XKR6: variants seen among roughly 807,000 people sequenced by gnomAD.
The protein encoded by XKR6 is XK related 6.
Under a neutral mutation model 56.7 loss-of-function variants are expected in XKR6, and 22 were observed. The observed-to-expected ratio is 0.39, with a 90% confidence interval of 0.28 to 0.55. XKR6 has a LOEUF of 0.55. Among genes scored for constraint, XKR6 ranks in the 20% least tolerant of loss-of-function variants. The probability of loss-of-function intolerance (pLI) is 0.66; values close to 1 mark genes in which losing one functional copy is unlikely to be tolerated. For missense variants in XKR6, 852 were observed against 889.0 expected, an observed-to-expected ratio of 0.96 and a Z score of 0.53; for synonymous variants, 524 against 387.8, an observed-to-expected ratio of 1.35 and a Z score of -4.13.
At chr8:11,058,334 A>C (rs564586149) in intron 1 of XKR6, among the ~76,000 whole-genome samples, 14 of 152,342 alleles carry the variant, frequency 9.2e-5, no homozygotes, top group African/African-American at 2.6e-4. Flanking sequence ...GTATATACCC[A>C]AAGGATTATA....
intron 1 of XKR6, chr8:11,128,896 C>T (rs1799961264): frequency 2.2e-6 from 1 of 456,808 alleles, no homozygotes; most frequent in Non-Finnish European, 4.4e-6. Context: ...TTGGTCACTG[C>T]TAACTGATTT....
At chr8:11,167,659 G>A (rs886353366) in intron 1 of XKR6, among the ~76,000 whole-genome samples, 3 of 152,116 alleles carry the variant, frequency 2.0e-5, no homozygotes, top group Admixed American at 2.0e-4. Context: ...ATAAAACCCA[G>A]GAAGACCTTA....
At position 11,201,196 on chromosome 8, in the gene XKR6, G is replaced by C. The variant is rs778480737; in HGVS notation, c.144C>G (p.Pro48=). Reference sequence around the variant, plus strand: ...AGATGTGCATCGAGCTGCTCTCGCCGGGCTCGCTGCCGTCGCCGCCGCCGC... The same window carrying C: ...AGATGTGCATCGAGCTGCTCTCGCCCGGCTCGCTGCCGTCGCCGCCGCCGC... ...GCGGGGDGSE[P]GESSSMHICH... The change falls in exon 1 of 3, where the codon CCC becomes CCG. Residue 48 remains proline, a synonymous_variant. Coordinates refer to ENST00000416569, the MANE Select transcript of XKR6 (RefSeq NM_173683.4). 4.6e-6 allele frequency: 7 copies of C among 1,529,160 alleles called. No individual in the cohort carries two copies. Among genetic ancestry groups the C allele is most frequent in the African/African-American group, 4.2e-5 (3 of 71,984 alleles). 94.7% of individuals were successfully genotyped at this position (1,529,160 alleles called of 1,614,324 possible).
At chr8:11,122,611 A>G (rs574092296) in intron 1 of XKR6, among the ~76,000 whole-genome samples, 24 of 152,346 alleles carry the variant, frequency 1.6e-4, no homozygotes, top group African/African-American at 5.5e-4. Context: ...TATTCTTTAG[A>G]TATCAGGCCA....
intron 1 of XKR6, among the ~76,000 whole-genome samples, chr8:11,125,115 G>GAAAA (rs558368450): frequency 0.052 from 7,601 of 146,122 alleles, 240 homozygotes; most frequent in South Asian, 0.077. Context: ...AAAAAGAAAA[G>GAAAA]AAAAAAAAAG....
chr8:11,153,402 GC>G (rs1290053319), intron 1 of XKR6, among the ~76,000 whole-genome samples: 2 of 152,176 alleles, frequency 1.3e-5, no homozygotes, highest in Non-Finnish European at 2.9e-5. Flanking sequence ...GATAACTTTA[GC>G]CCCAAAAACT....
intron 1 of XKR6, among the ~76,000 whole-genome samples, chr8:10,984,022 A>G (rs1019487923): frequency 1.3e-4 from 20 of 152,196 alleles, no homozygotes; most frequent in African/African-American, 4.3e-4. Context: ...AAATAAAACT[A>G]TGGACCAATC....
intron 1 of XKR6, among the ~76,000 whole-genome samples, chr8:11,169,593 A>G (rs145583257): frequency 2.8e-3 from 426 of 152,368 alleles, no homozygotes; most frequent in African/African-American, 9.9e-3. Context: ...GCAAAGTCAG[A>G]GAGAAATTAG....
intron 1 of XKR6, among the ~76,000 whole-genome samples, chr8:11,030,230 A>C (rs114319278): frequency 0.07 from 10,649 of 152,250 alleles, 412 homozygotes; most frequent in South Asian, 0.11. Flanking sequence ...CCTGGCCTGG[A>C]CTGCCCTCAT....
intron 1 of XKR6, among the ~76,000 whole-genome samples, chr8:11,141,759 C>G (rs1052681772): frequency 6.6e-6 from 1 of 152,070 alleles, no homozygotes; most frequent in Non-Finnish European, 1.5e-5. Flanking sequence ...ACTGGTGACC[C>G]TAGCCACACT....
intron 1 of XKR6, among the ~76,000 whole-genome samples, chr8:10,937,901 G>A (rs1368531109): frequency 5.9e-5 from 9 of 151,960 alleles, no homozygotes; most frequent in Admixed American, 3.9e-4. Context: ...GAGGCAGGCA[G>A]GCCTCCTTGA....
chr8:11,162,724 A>C (rs1801875531), intron 1 of XKR6, among the ~76,000 whole-genome samples: 1 of 152,256 alleles, frequency 6.6e-6, no homozygotes, highest in African/African-American at 2.4e-5. Flanking sequence ...TGGTTAACCC[A>C]GTAAGGCACT....
chr8:11,147,029 T>C (rs758178242), intron 1 of XKR6, among the ~76,000 whole-genome samples: 4 of 152,002 alleles, frequency 2.6e-5, no homozygotes, highest in Non-Finnish European at 5.9e-5. Context: ...CTAACAATAC[T>C]GTGTGGTATA....
intron 1 of XKR6, among the ~76,000 whole-genome samples, chr8:11,164,449 A>G (rs962349120): frequency 1.6e-4 from 25 of 152,198 alleles, no homozygotes; most frequent in African/African-American, 5.5e-4. Context: ...CTTCTCCCCT[A>G]TGGGTTCCTG....
chr8:10,952,452 T>A (rs567277015), intron 1 of XKR6, among the ~76,000 whole-genome samples: 57 of 152,294 alleles, frequency 3.7e-4, no homozygotes, highest in African/African-American at 1.3e-3. Context: ...ATTATATTTG[T>A]TTTTTCTTTT....
At chr8:10,912,647 GGT>G (rs1800430962) in intron 2 of XKR6, among the ~76,000 whole-genome samples, 1 of 91,898 alleles carries the variant, frequency 1.1e-5, no homozygotes, top group African/African-American at 5.6e-5. Context: ...AGAGAAAGAG[GGT>G]GTCTATATGT....
intron 1 of XKR6, among the ~76,000 whole-genome samples, chr8:11,112,114 TAA>T (rs1413061401): frequency 6.6e-6 from 1 of 152,230 alleles, no homozygotes; most frequent in African/African-American, 2.4e-5. Flanking sequence ...ACCACCTACT[TAA>T]TTATAGAGTA....
At position 11,049,415 on chromosome 8, in the gene XKR6, A is replaced by G. The variant is rs182270217; in HGVS notation, c.765-124585T>C. On this transcript the variant is annotated intron_variant, in intron 1 of 2. Coordinates refer to ENST00000416569, the MANE Select transcript of XKR6 (RefSeq NM_173683.4). ...TGAACAGGTGGATGCCTGATGGAAC[A>G]CAGCCCCTGACCCGGGGCTGGCTGC... 1.1e-4 allele frequency among the ~76,000 whole-genome samples: 17 copies of G among 152,258 alleles called. No individual in the cohort carries two copies. The East Asian group carries it at 2.5e-3, about 23-fold the overall frequency.
At chr8:11,077,358 G>C (rs1173357296) in intron 1 of XKR6, among the ~76,000 whole-genome samples, 1 of 152,188 alleles carries the variant, frequency 6.6e-6, no homozygotes, top group Non-Finnish European at 1.5e-5. Context: ...CCTCCTGAGA[G>C]TGGCTGCAGG....
Sources: allele counts gnomAD v4.1 joint callset (sites outside exome capture counted in the v4.1 genomes callset), GRCh38; gene constraint gnomAD v4.1.1; transcripts MANE v1.5; gene names NCBI Gene and HGNC (gene_info 2026-07-23, HGNC 2026-07-21).